Variants in SORBS2 observed in about 807,000 individuals in gnomAD.
The protein encoded by SORBS2 is sorbin and SH3 domain-containing protein 2.
A neutral mutation model predicts 97.7 loss-of-function variants in SORBS2; 46 were observed. That is an observed-to-expected ratio of 0.47 (90% CI 0.37 to 0.60). SORBS2 has a LOEUF of 0.60. SORBS2 is among the 20% of genes least tolerant of loss of function. The pLI, the probability that SORBS2 is intolerant of heterozygous loss-of-function variation, is 0.00. For missense variants in SORBS2, 1,316 were observed against 1,282.3 expected (o/e 1.03, Z -0.40); for synonymous variants, 476 against 473.4 (o/e 1.01, Z -0.07).
intron 11 of SORBS2, among the ~76,000 whole-genome samples, chr4:185,613,669 A>T (rs2096580896): frequency 6.8e-6 from 1 of 147,256 alleles, no homozygotes; most frequent in East Asian, 2.0e-4. Context: ...AAAAAAAAAA[A>T]GTCAGTCTCC....
At chr4:185,803,209 G>A (rs559761266) in intron 1 of SORBS2, among the ~76,000 whole-genome samples, 28 of 152,246 alleles carry the variant, frequency 1.8e-4, no homozygotes, top group African/African-American at 6.5e-4. Context: ...CCATGACTGA[G>A]GAGCCTGGGA....
intron 1 of SORBS2, among the ~76,000 whole-genome samples, chr4:185,936,398 C>T (rs982908120): frequency 6.6e-6 from 1 of 152,134 alleles, no homozygotes; most frequent in African/African-American, 2.4e-5. Context: ...TGCAGTTGCA[C>T]ATAGGCAATG....
At chr4:185,939,379 T>C (rs1198062107) in intron 1 of SORBS2, among the ~76,000 whole-genome samples, 3 of 152,222 alleles carry the variant, frequency 2.0e-5, no homozygotes, top group Non-Finnish European at 2.9e-5. Context: ...CATTCAAATA[T>C]GCTGTAATAC....
At chr4:185,811,581 A>C (rs1050201257) in intron 1 of SORBS2, 83 bp downstream of exon 1, 2 of 152,218 alleles carry the variant, frequency 1.3e-5, no homozygotes, top group African/African-American at 4.8e-5. Flanking sequence ...AATCCAAATC[A>C]CACAATCAAC....
chr4:185,843,593 G>T (rs11724690), intron 1 of SORBS2, among the ~76,000 whole-genome samples: 38,712 of 152,080 alleles, frequency 0.25, 5,262 homozygotes, highest in Middle Eastern at 0.39. Flanking sequence ...ACCATTTGCA[G>T]TAGCACTGAA....
chr4:185,695,604 T>A (rs2098164950), intron 2 of SORBS2, among the ~76,000 whole-genome samples: 1 of 152,202 alleles, frequency 6.6e-6, no homozygotes, highest in South Asian at 2.1e-4. Flanking sequence ...TTATTTATTT[T>A]GAAATGGGAT....
At chr4:185,625,655 T>A (rs1433979786) in intron 6 of SORBS2, among the ~76,000 whole-genome samples, 2 of 152,214 alleles carry the variant, frequency 1.3e-5, no homozygotes, top group South Asian at 4.1e-4. Context: ...CTTAAGATAT[T>A]CATTTGAATA....
intron 1 of SORBS2, among the ~76,000 whole-genome samples, chr4:185,822,173 C>A (rs1254973156): frequency 2.0e-5 from 3 of 152,206 alleles, no homozygotes; most frequent in Non-Finnish European, 4.4e-5. Context: ...AATTCTTCAC[C>A]TGCAGTATTC....
At chr4:185,796,118 G>A (rs962126853) in intron 1 of SORBS2, among the ~76,000 whole-genome samples, 1 of 151,970 alleles carries the variant, frequency 6.6e-6, no homozygotes, top group Non-Finnish European at 1.5e-5. Context: ...GTTGCCCAGG[G>A]TGGTCTCAAA....
intron 1 of SORBS2, among the ~76,000 whole-genome samples, chr4:185,844,733 G>T (rs944015146): frequency 1.8e-4 from 28 of 152,076 alleles, no homozygotes; most frequent in Admixed American, 6.5e-5. Flanking sequence ...AATGAATAAA[G>T]AAAAGATGGC....
At chr4:185,883,931 T>C (rs149055786) in intron 1 of SORBS2, among the ~76,000 whole-genome samples, 173 of 152,328 alleles carry the variant, frequency 1.1e-3, no homozygotes, top group African/African-American at 3.8e-3. Context: ...AAGCGAAAGA[T>C]ATCAGTCACG....
rs1360156336 is a variant in SORBS2 at position 185,678,467 on chromosome 4, T to C, written c.-90A>G. 1.9e-6 allele frequency: 3 copies of C among 1,551,016 alleles called. No homozygotes were observed. In the South Asian group the frequency reaches 3.6e-5, roughly 18 times the overall value. On this transcript the variant is annotated 5_prime_UTR_variant, in exon 4 of 21. Coordinates refer to the SORBS2 transcript ENST00000284776. ...TCTTGTAGGTTTGGTCGAACGCTTC[T>C]AAAACCTTTTGCTGCAAGAGAGGAA...
intron 8 of SORBS2, 106 bp from the exon 21 acceptor site, chr4:185,618,737 A>G: frequency 1.7e-6 from 1 of 583,844 alleles, no homozygotes; most frequent in African/African-American, 1.8e-5. Flanking sequence ...GAATCATCAA[A>G]CATATGTAAT....
chr4:185,799,773 C>T (rs747604395), intron 1 of SORBS2, among the ~76,000 whole-genome samples: 4 of 152,158 alleles, frequency 2.6e-5, no homozygotes, highest in Admixed American at 2.6e-4. Flanking sequence ...AACACACGTG[C>T]CTTTAATGCC....
At chr4:185,619,253 G>A (rs2096674057) in intron 8 of SORBS2, among the ~76,000 whole-genome samples, 1 of 152,038 alleles carries the variant, frequency 6.6e-6, no homozygotes. Flanking sequence ...CAAACTCTGG[G>A]GGCCACAGAT....
chr4:185,900,514 A>G (rs2099247154), intron 1 of SORBS2, among the ~76,000 whole-genome samples: 1 of 152,218 alleles, frequency 6.6e-6, no homozygotes, highest in African/African-American at 2.4e-5. Context: ...GGTTATTTGC[A>G]AAGTGATAGA....
rs2096599261 is a variant in SORBS2 at position 185,614,571 on chromosome 4, G to T, written c.2595+260C>A. ...CGAATGTATAAGTCCTTGATTTTCA[G>T]CCCCATGCCCGGCTTCCCAGACTAA... On this transcript the variant is annotated intron_variant, in intron 11 of 14. Transcript: ENST00000418609. 3 of 420,746 alleles carry T rather than the reference G, an allele frequency of 7.1e-6. No homozygotes were observed. In the East Asian group the frequency reaches 1.2e-4, roughly 17 times the overall value. The allele number at this position is 420,746 out of a possible 1,614,324, so 26.1% of individuals were successfully genotyped here. A position where few individuals can be genotyped will look rare whatever the true frequency, so the allele number is the denominator to read the frequency against.
chr4:185,731,543 C>A (rs1207253729), intron 2 of SORBS2, among the ~76,000 whole-genome samples: 3 of 87,700 alleles, frequency 3.4e-5, no homozygotes, highest in African/African-American at 1.1e-4. Flanking sequence ...TCTCTCCCTG[C>A]CTCTCTCCCT....
intron 1 of SORBS2, among the ~76,000 whole-genome samples, chr4:185,884,963 T>C (rs571038228): frequency 6.6e-5 from 10 of 152,300 alleles, no homozygotes; most frequent in Non-Finnish European, 1.2e-4. Context: ...ACGGCATAAA[T>C]TGATACATGA....
Sources: gnomAD v4.1 joint callset for allele counts (sites outside exome capture counted in the v4.1 genomes callset) on GRCh38, gnomAD v4.1.1 for gene constraint, MANE v1.5 for transcripts, NCBI Gene and HGNC (gene_info 2026-07-23, HGNC 2026-07-21) for gene names.